Variants in CIAO2A observed in about 807,000 individuals in gnomAD.
The protein encoded by CIAO2A is cytosolic iron-sulfur assembly component 2A, also known as MIP18 family protein FAM96A.
Under a neutral mutation model 22.4 loss-of-function variants are expected in CIAO2A, and 17 were observed. That is an observed-to-expected ratio of 0.76 (90% CI 0.52 to 1.14). CIAO2A has a LOEUF of 1.14. CIAO2A is among the 50% of genes most tolerant of loss of function. CIAO2A has a pLI of 0.00. For missense variants in CIAO2A, 192 were observed against 191.4 expected, an observed-to-expected ratio of 1.00 and a Z score of -0.02; for synonymous variants, 74 against 72.3, an observed-to-expected ratio of 1.02 and a Z score of -0.12.
At chr15:64,091,590 C>CA (rs2080840131) in intron 1 of CIAO2A, among the ~76,000 whole-genome samples, 1 of 152,024 alleles carries the variant, frequency 6.6e-6, no homozygotes, top group South Asian at 2.1e-4. Context: ...CTTAGGGAAA[C>CA]AGAGTTTTCT....
At chr15:64,082,043 C>A (rs531635920) in intron 2 of CIAO2A, among the ~76,000 whole-genome samples, 1 of 151,534 alleles carries the variant, frequency 6.6e-6, no homozygotes, top group African/African-American at 2.4e-5. Context: ...ATCAACAAAA[C>A]CTCAAACCAT....
rs771086225 is a variant in CIAO2A, at chr15:64,081,167, C to T, written c.290-16G>A. On this transcript the variant is annotated splice_polypyrimidine_tract_variant and intron_variant, in intron 2 of 4. Transcript: ENST00000300030. ...AAGCACAGCCCTGTGGAGGGAAAATCACACCTCCAATTATCTCTTTATTGC... is the reference window on the plus strand; with the variant it reads ...AAGCACAGCCCTGTGGAGGGAAAATTACACCTCCAATTATCTCTTTATTGC... 1.2e-6 allele frequency: 2 copies of T among 1,608,710 alleles called. No homozygotes were observed. Among genetic ancestry groups the T allele is most frequent in the African/African-American group, 2.7e-5 (2 of 74,710 alleles).
At chr15:64,081,510 GCAAAAGT>G (rs1267806452) in intron 2 of CIAO2A, among the ~76,000 whole-genome samples, 2 of 147,612 alleles carry the variant, frequency 1.4e-5, no homozygotes, top group African/African-American at 5.0e-5. Flanking sequence ...TGGCCTTCCA[GCAAAAGT>G]CAATTAACTC....
At chr15:64,083,850 C>T (rs62023394) in intron 2 of CIAO2A, among the ~76,000 whole-genome samples, 11,427 of 151,626 alleles carry the variant, frequency 0.075, 1,354 homozygotes, top group African/African-American at 0.25. Context: ...GGCCGAGGCA[C>T]GAGAATCGCT....
In CIAO2A at chr15:64,081,114, T is replaced by A. The variant is rs143123447; in HGVS notation, c.327A>T (p.Pro109=). 9.0e-5 allele frequency: 146 copies of A among 1,613,354 alleles called. No homozygotes were observed. Among genetic ancestry groups the A allele is most frequent in the Middle Eastern group, 3.3e-4 (2 of 6,062 alleles). Reference sequence around the variant, plus strand: ...ACATCTTTCTTACCTTATGTTTAAATGGTAAACATCGCTGAAGTTTTACTC... The same window carrying A: ...ACATCTTTCTTACCTTATGTTTAAAAGGTAAACATCGCTGAAGTTTTACTC... ...CLRVKLQRCL[P]FKHKLEIYIS... is the part of the protein sequence containing the mutation. Residue 109 remains proline, a synonymous_variant, in exon 3 of 5, where the codon CCA becomes CCT. Coordinates refer to ENST00000300030, the MANE Select transcript of CIAO2A (RefSeq NM_032231.7).
At chr15:64,092,253 C>T (rs549417560) in intron 1 of CIAO2A, among the ~76,000 whole-genome samples, 13 of 152,200 alleles carry the variant, frequency 8.5e-5, no homozygotes, top group African/African-American at 2.9e-4. Flanking sequence ...AAACCCTATC[C>T]TATAGCCCCA....
Position 64,093,832 on chromosome 15 carries a change from A to G in CIAO2A, c.-64T>C. On this transcript the variant is annotated 5_prime_UTR_variant, in exon 1 of 5. Coordinates refer to ENST00000300030, the MANE Select transcript of CIAO2A (RefSeq NM_032231.7). ...GCCACCGTCTCTCAGCAGCCTCGGGATTGATCAACTTCCTGGTCTTCAAAT... is the reference window on the plus strand; with the variant it reads ...GCCACCGTCTCTCAGCAGCCTCGGGGTTGATCAACTTCCTGGTCTTCAAAT... The G allele has an allele frequency of 1.3e-6, 2 of 1,581,026 alleles. No homozygotes were observed. The highest frequency in any genetic ancestry group is 1.7e-6 in the Non-Finnish European group (2 of 1,158,192).
chr15:64,081,922 C>CACATAA (rs1443765067), intron 2 of CIAO2A, among the ~76,000 whole-genome samples: 1 of 152,086 alleles, frequency 6.6e-6, no homozygotes, highest in Non-Finnish European at 1.5e-5. Context: ...TTAAAAGGGC[C>CACATAA]ACATAAAATC....
At chr15:64,092,830 T>C (rs1225566498) in intron 1 of CIAO2A, among the ~76,000 whole-genome samples, 1 of 152,186 alleles carries the variant, frequency 6.6e-6, no homozygotes, top group Non-Finnish European at 1.5e-5. Flanking sequence ...CTTTTCGGTT[T>C]TCAAAAACAA....
rs2080822146 is a variant in CIAO2A, at chr15:64,089,450, G to A, written c.125-599C>T. ...GGATCGCTTGAGCCCAGGAGGCAGA[G>A]GTTGAGAGCGGAGATCGTGTCACCG... is the stretch of plus-strand genomic sequence containing the variant. On this transcript the variant is annotated intron_variant, in intron 1 of 4. Coordinates refer to ENST00000300030, the MANE Select transcript of CIAO2A (RefSeq NM_032231.7). Among the ~76,000 whole-genome samples the A allele has an allele frequency of 4.3e-4, 4 of 9,226 alleles. 1 individual carries two copies. In the South Asian group the frequency reaches 0.095, roughly 220 times the overall value. 6.1% of individuals were successfully genotyped at this position (9,226 alleles called of 152,430 possible).
chr15:64,091,210 A>G (rs1189223699), intron 1 of CIAO2A, among the ~76,000 whole-genome samples: 1 of 152,150 alleles, frequency 6.6e-6, no homozygotes, highest in African/African-American at 2.4e-5. Flanking sequence ...GCCAAACATG[A>G]CGGCTCATGC....
At chr15:64,085,769 C>T (rs948691308) in intron 2 of CIAO2A, among the ~76,000 whole-genome samples, 7 of 151,754 alleles carry the variant, frequency 4.6e-5, no homozygotes, top group African/African-American at 9.7e-5. Flanking sequence ...AGTGCAGTGG[C>T]GTGACCTTCG....
At chr15:64,079,615 A>G (rs1166360956) in intron 3 of CIAO2A, among the ~76,000 whole-genome samples, 1 of 152,220 alleles carries the variant, frequency 6.6e-6, no homozygotes, top group Non-Finnish European at 1.5e-5. Flanking sequence ...TGTAAAGGCT[A>G]GGTAGCAGCC....
At chr15:64,079,344 T>C (rs141642102) in intron 3 of CIAO2A, among the ~76,000 whole-genome samples, 9 of 152,054 alleles carry the variant, frequency 5.9e-5, no homozygotes, top group African/African-American at 2.2e-4. Flanking sequence ...AGTTTGAGAC[T>C]AGCTTGGGCA....
intron 3 of CIAO2A, among the ~76,000 whole-genome samples, chr15:64,079,238 C>T (rs952804724): frequency 2.0e-5 from 3 of 152,054 alleles, no homozygotes; most frequent in African/African-American, 4.8e-5. Context: ...TTCACTGGGC[C>T]TTAAAACGTG....
At position 64,073,001 on chromosome 15, in the gene CIAO2A, C is replaced by A. The variant is rs1261529584; in HGVS notation, c.413G>T (p.Arg138Leu). The A allele has an allele frequency of 6.2e-7, 1 of 1,613,616 alleles. No individual in the cohort carries two copies. Residue 138 changes from arginine (R) to leucine (L), a missense_variant, in exon 5 of 5, where the codon CGA (arginine) becomes CTA (leucine). By Grantham distance (102) the Arg-to-Leu change is moderately radical. Coordinates refer to ENST00000300030, the MANE Select transcript of CIAO2A (RefSeq NM_032231.7). ...DINKQINDKE[R>L]VAAAMENPNL... The stretch of plus-strand genomic sequence containing the variant: ...GGGGTTTTCCATTGCAGCTGCCACT[C>A]GCTCTTTGTCATTTATCTGCTTATT...
Position 64,081,161 on chromosome 15 carries a change from GA to G in CIAO2A, c.290-11del, listed in dbSNP as rs756163487. 1.2e-6 allele frequency: 2 copies of G among 1,609,496 alleles called. No individual in the cohort carries two copies. Among genetic ancestry groups the G allele is most frequent in the African/African-American group, 2.7e-5 (2 of 74,712 alleles). On this transcript the variant is annotated splice_polypyrimidine_tract_variant and intron_variant, in intron 2 of 4. Transcript: ENST00000300030. ...ACTCTTAAGCACAGCCCTGTGGAGG[GA>G]AAATCACACCTCCAATTATCTCTTT... is the stretch of plus-strand genomic sequence containing the variant.
chr15:64,089,659 G>C (rs2080824611), intron 1 of CIAO2A, among the ~76,000 whole-genome samples: 2 of 152,186 alleles, frequency 1.3e-5, no homozygotes, highest in Non-Finnish European at 2.9e-5. Context: ...GCAATAGCAA[G>C]TCCTCAAGAG....
chr15:64,084,979 GC>G (rs1176575280), intron 2 of CIAO2A, among the ~76,000 whole-genome samples: 2 of 151,410 alleles, frequency 1.3e-5, no homozygotes, highest in Non-Finnish European at 2.9e-5. Flanking sequence ...TGTAATCCTA[GC>G]TACTCGGGAG....
Sources: allele counts gnomAD v4.1 joint callset (sites outside exome capture counted in the v4.1 genomes callset), GRCh38; gene constraint gnomAD v4.1.1; transcripts MANE v1.5; gene names NCBI Gene and HGNC (gene_info 2026-07-23, HGNC 2026-07-21).